SH3TC2: variants seen among roughly 807,000 people sequenced by gnomAD.
The protein encoded by SH3TC2 is SH3 domain and tetratricopeptide repeat-containing protein 2.
A neutral mutation model predicts 124.5 loss-of-function variants in SH3TC2; 87 were observed. The observed-to-expected ratio is 0.70, with a 90% CI of 0.59 to 0.84. The LOEUF (loss-of-function observed/expected upper bound fraction) is 0.84, where lower values mean the gene tolerates loss of function less well. Among genes scored for constraint, SH3TC2 ranks in the 40% least tolerant of loss-of-function variants. The pLI, the probability that SH3TC2 is intolerant of heterozygous loss-of-function variation, is 0.00. For synonymous variants in SH3TC2, 634 were observed against 628.5 expected (o/e 1.01, Z -0.13); for missense variants, 1,536 against 1,566.4 (o/e 0.98, Z 0.33).
At chr5:149,044,322 C>G in intron 4 of SH3TC2, 1 of 516,224 alleles carries the variant, frequency 1.9e-6, no homozygotes, top group South Asian at 2.1e-5. Flanking sequence ...CACAAAAAAG[C>G]AAACTTCTTC....
intron 2 of SH3TC2, among the ~76,000 whole-genome samples, chr5:149,051,540 G>A (rs529521301): frequency 6.6e-6 from 1 of 152,074 alleles, no homozygotes; most frequent in Non-Finnish European, 1.5e-5. Context: ...CAGCCTCGAC[G>A]TCCCAGGCTC....
rs1561750063 is a variant in SH3TC2 at position 148,989,295 on chromosome 5, T to C, written c.*15416A>G. On this transcript the variant is annotated 3_prime_UTR_variant, in exon 17 of 17. Coordinates refer to ENST00000515425, the MANE Select transcript of SH3TC2 (RefSeq NM_024577.4). Reference sequence around the variant, plus strand: ...TTCATTAATTTTACAATAACTTTGCTATATAGGTATTTATTATCCCCATTT... The same window carrying C: ...TTCATTAATTTTACAATAACTTTGCCATATAGGTATTTATTATCCCCATTT... 6.6e-6 allele frequency among the ~76,000 whole-genome samples: 1 copy of C among 152,228 alleles called. No homozygotes were observed. Among genetic ancestry groups the C allele is most frequent in the Non-Finnish European group, 1.5e-5 (1 of 68,040 alleles).
At position 149,026,736 on chromosome 5, in the gene SH3TC2, G is replaced by A. The variant is rs1754070118; in HGVS notation, c.2889C>T (p.Thr963=). The change falls in exon 12 of 17, where the codon ACC becomes ACT. Residue 963 remains threonine, a synonymous_variant. Coordinates refer to ENST00000515425, the MANE Select transcript of SH3TC2 (RefSeq NM_024577.4). Reference sequence around the variant, plus strand: ...AGCTGTAGAAATGGCAGAGGGATTTGGTGGCCTGAAGCTGACCTGAACACA... The same window carrying A: ...AGCTGTAGAAATGGCAGAGGGATTTAGTGGCCTGAAGCTGACCTGAACACA... The part of the protein sequence containing the change: ...HRHLKSQLQA[T]KSLCHFYSSV... 6.2e-7 allele frequency: 1 copy of A among 1,614,098 alleles called. No individual in the cohort carries two copies. The highest frequency in any genetic ancestry group is 8.5e-7 in the Non-Finnish European group (1 of 1,180,046).
chr5:149,048,613 T>C (rs1365801930), intron 2 of SH3TC2, among the ~76,000 whole-genome samples: 1 of 152,234 alleles, frequency 6.6e-6, no homozygotes, highest in African/African-American at 2.4e-5. Context: ...AAGAGCTTTC[T>C]ATAAGCCAGA....
At chr5:149,005,352 A>C (rs1236353174) in intron 16 of SH3TC2, among the ~76,000 whole-genome samples, 2 of 152,226 alleles carry the variant, frequency 1.3e-5, no homozygotes, top group Non-Finnish European at 2.9e-5. Flanking sequence ...AGCAAAGTAG[A>C]AACATACAGA....
chr5:149,040,105 T>C (rs1448835812), intron 7 of SH3TC2, among the ~76,000 whole-genome samples: 1 of 152,214 alleles, frequency 6.6e-6, no homozygotes, highest in Non-Finnish European at 1.5e-5. Flanking sequence ...ATTGTGTGTG[T>C]GTGTGTATAT....
intron 1 of SH3TC2, among the ~76,000 whole-genome samples, chr5:149,061,298 T>C (rs1161399478): frequency 6.6e-6 from 1 of 152,206 alleles, no homozygotes; most frequent in East Asian, 1.9e-4. Context: ...TGAAGGACGA[T>C]GTCAACTAGA....
At position 148,998,937 on chromosome 5, in the gene SH3TC2, G is replaced by A. The variant is rs1444298691; in HGVS notation, c.*5774C>T. On this transcript the variant is annotated 3_prime_UTR_variant, in exon 17 of 17. Transcript: ENST00000515425. ...GCCAAGTGAGAGGCCCAGTAGCAAA[G>A]AGCACCCCTAACATACACACCCTCC... Among the ~76,000 whole-genome samples, 1 of 152,066 alleles carries A rather than the reference G, an allele frequency of 6.6e-6. No homozygotes were observed. The highest frequency in any genetic ancestry group is 1.5e-5 in the Non-Finnish European group (1 of 68,014).
rs529721970 is a variant in SH3TC2, at chr5:148,986,549, A to C, written c.*18162T>G. 1.3e-5 allele frequency among the ~76,000 whole-genome samples: 2 copies of C among 152,372 alleles called. No individual in the cohort carries two copies. The highest frequency in any genetic ancestry group is 4.1e-4 in the South Asian group (2 of 4,834). On this transcript the variant is annotated 3_prime_UTR_variant, in exon 17 of 17. Transcript: ENST00000515425. ...ATCTGCCAGGGTAGCAACCTCCATC[A>C]ACTACATTGCTTAGAATGCAGTAAG...
At chr5:149,011,847 G>A (rs1320117775) in intron 13 of SH3TC2, among the ~76,000 whole-genome samples, 1 of 152,112 alleles carries the variant, frequency 6.6e-6, no homozygotes, top group African/African-American at 2.4e-5. Context: ...ATTTAACATC[G>A]ATATTGTACA....
chr5:149,054,374 A>C (rs375357313), intron 1 of SH3TC2, among the ~76,000 whole-genome samples: 1 of 152,120 alleles, frequency 6.6e-6, no homozygotes, highest in Admixed American at 6.5e-5. Flanking sequence ...TTACCTATGA[A>C]TCACCTATGG....
At position 148,984,661 on chromosome 5, in the gene SH3TC2, A is replaced by G. The variant is rs1175216581; in HGVS notation, c.*20050T>C. 6.6e-6 allele frequency among the ~76,000 whole-genome samples: 1 copy of G among 152,202 alleles called. No individual in the cohort carries two copies. Among genetic ancestry groups the G allele is most frequent in the Non-Finnish European group, 1.5e-5 (1 of 68,024 alleles). On this transcript the variant is annotated 3_prime_UTR_variant, in exon 17 of 17. Transcript: ENST00000515425. ...GTTGGCATATAGGAAGGAATTTGTCAGCATGTATCCCTGAAGGGTAAATGT... is the reference window on the plus strand; with the variant it reads ...GTTGGCATATAGGAAGGAATTTGTCGGCATGTATCCCTGAAGGGTAAATGT...
intron 13 of SH3TC2, among the ~76,000 whole-genome samples, chr5:149,011,905 T>C (rs1429781116): frequency 1.3e-5 from 2 of 152,220 alleles, no homozygotes; most frequent in Non-Finnish European, 2.9e-5. Context: ...TTTACTAAGT[T>C]CTGAGCACTT....
rs141649676 is a variant in SH3TC2 at position 149,052,214 on chromosome 5, T to C, written c.79A>G (p.Thr27Ala). Residue 27 changes from threonine (T) to alanine (A), a missense_variant, in exon 2 of 17, where the codon ACT (threonine) becomes GCT (alanine). Thr to Ala is a moderately conservative substitution (Grantham distance 58). Coordinates refer to ENST00000515425, the MANE Select transcript of SH3TC2 (RefSeq NM_024577.4). ...PGKETPSKDP[T>A]VSSECIASSE... ...GAGGCTATACACTCACTCGATACAG[T>C]TGGATCCTTGGAAGGAGTTTCTTTA... The C allele has an allele frequency of 1.7e-3, 2,797 of 1,613,062 alleles. 9 individuals are homozygous for C. Among genetic ancestry groups the C allele is most frequent in the Non-Finnish European group, 2.0e-3 (2,372 of 1,179,092 alleles).
At chr5:149,024,325 C>A (rs1045294734) in intron 12 of SH3TC2, among the ~76,000 whole-genome samples, 4 of 152,188 alleles carry the variant, frequency 2.6e-5, no homozygotes, top group African/African-American at 9.7e-5. Flanking sequence ...TATGTCTCCT[C>A]CATGCCAAGC....
intron 2 of SH3TC2, among the ~76,000 whole-genome samples, chr5:149,049,139 A>G (rs917537892): frequency 6.6e-6 from 1 of 152,186 alleles, no homozygotes; most frequent in African/African-American, 2.4e-5. Flanking sequence ...CTCTTCTATG[A>G]CATTCCCATA....
chr5:149,034,472 A>G (rs1396743791), intron 8 of SH3TC2: 1 of 410,002 alleles, frequency 2.4e-6, no homozygotes, highest in African/African-American at 2.1e-5. Flanking sequence ...AAAATTTTCC[A>G]GAATTGAAGA....
intron 12 of SH3TC2, among the ~76,000 whole-genome samples, chr5:149,019,584 A>G (rs1753934157): frequency 6.6e-6 from 1 of 152,246 alleles, no homozygotes; most frequent in African/African-American, 2.4e-5. Context: ...ATCAATTTAC[A>G]GAACAATGGA....
In SH3TC2 at chr5:149,030,368, T is replaced by C. The variant is rs552038601; in HGVS notation, c.1135+1186A>G. ...CGGACTGCACGCCGCAGAGCTGCAC[T>C]CCTGATCTTTGAGTGAGAGTCAAGT... On this transcript the variant is annotated intron_variant, in intron 9 of 16. Coordinates refer to ENST00000515425, the MANE Select transcript of SH3TC2 (RefSeq NM_024577.4). 2.6e-5 allele frequency among the ~76,000 whole-genome samples: 4 copies of C among 152,350 alleles called. No homozygotes were observed. The East Asian group carries it at 7.7e-4, about 29-fold the overall frequency.
Sources: allele counts gnomAD v4.1 joint callset (sites outside exome capture counted in the v4.1 genomes callset), GRCh38; gene constraint gnomAD v4.1.1; transcripts MANE v1.5; gene names NCBI Gene and HGNC (gene_info 2026-07-23, HGNC 2026-07-21).